DIAPH3: variants seen among roughly 807,000 people sequenced by gnomAD.
DIAPH3 encodes protein diaphanous homolog 3.
Under a neutral mutation model 144.3 loss-of-function variants are expected in DIAPH3, and 117 were observed. The ratio of observed to expected loss-of-function variants is 0.81; its 90% CI spans 0.70 to 0.95. DIAPH3 has a LOEUF of 0.95. Among genes scored for constraint, DIAPH3 ranks in the 40% least tolerant of loss-of-function variants. DIAPH3 has a pLI of 0.00. For missense variants in DIAPH3, 1,421 were observed against 1,412.7 expected (o/e 1.01, Z -0.09); for synonymous variants, 519 against 488.9 (o/e 1.06, Z -0.81).
chr13:60,042,970 C>CA, intron 4 of DIAPH3, 150 bp from the exon 5 acceptor site: 2 of 835,102 alleles, frequency 2.4e-6, no homozygotes, highest in South Asian at 1.5e-5. Context: ...TACTTCTGCC[C>CA]AAAAATCTAT....
chr13:60,105,099 CAAAAAAAAA>C (rs60853102), intron 3 of DIAPH3, among the ~76,000 whole-genome samples: 10,364 of 41,698 alleles, frequency 0.25, 616 homozygotes, highest in South Asian at 0.4. Context: ...GACACGATCT[CAAAAAAAAA>C]AAAAAAAAAA....
intron 1 of DIAPH3, among the ~76,000 whole-genome samples, chr13:60,146,602 C>T (rs1360820056): frequency 6.6e-6 from 1 of 152,156 alleles, no homozygotes; most frequent in Non-Finnish European, 1.5e-5. Flanking sequence ...TAACACATTA[C>T]AGTCTATATT....
At chr13:60,122,055 C>T (rs1002467629) in intron 2 of DIAPH3, among the ~76,000 whole-genome samples, 1 of 152,102 alleles carries the variant, frequency 6.6e-6, no homozygotes, top group African/African-American at 2.4e-5. Context: ...CAGTCATGCC[C>T]CTCACTCCTG....
At chr13:59,995,723 G>A (rs1020430359) in intron 9 of DIAPH3, among the ~76,000 whole-genome samples, 1 of 152,000 alleles carries the variant, frequency 6.6e-6, no homozygotes, top group Non-Finnish European at 1.5e-5. Context: ...TGGGAAGAGA[G>A]AGGAAATCAG....
At chr13:59,700,656 A>G (rs1219627006) in intron 27 of DIAPH3, among the ~76,000 whole-genome samples, 2 of 152,168 alleles carry the variant, frequency 1.3e-5, no homozygotes, top group Non-Finnish European at 2.9e-5. Context: ...GATCTTCCAG[A>G]GGATAAAGCC....
chr13:59,721,485 T>G (rs562252424), intron 27 of DIAPH3, among the ~76,000 whole-genome samples: 1 of 152,142 alleles, frequency 6.6e-6, no homozygotes, highest in African/African-American at 2.4e-5. Flanking sequence ...TTAACTCATG[T>G]TTTTTTTAAA....
chr13:59,711,478 C>T (rs989564160), intron 27 of DIAPH3, among the ~76,000 whole-genome samples: 1 of 152,096 alleles, frequency 6.6e-6, no homozygotes, highest in Non-Finnish European at 1.5e-5. Context: ...CTCTTGCTAC[C>T]ATCACCATTA....
chr13:59,843,482 T>C (rs1342871645), intron 22 of DIAPH3, among the ~76,000 whole-genome samples: 2 of 152,234 alleles, frequency 1.3e-5, no homozygotes, highest in African/African-American at 4.8e-5. Context: ...GGTCAGGAAC[T>C]ATGCTCTTTA....
chr13:59,885,102 G>C (rs939261817), intron 20 of DIAPH3, among the ~76,000 whole-genome samples: 2 of 152,016 alleles, frequency 1.3e-5, no homozygotes, highest in African/African-American at 4.8e-5. Flanking sequence ...GGATCACTAA[G>C]GATTTCACAG....
intron 17 of DIAPH3, among the ~76,000 whole-genome samples, chr13:59,936,959 C>T (rs2048293705): frequency 6.6e-6 from 1 of 151,886 alleles, no homozygotes; most frequent in South Asian, 2.1e-4. Context: ...GTCAGGAGAT[C>T]GAGACCATCC....
chr13:59,741,826 G>A (rs1350914228), intron 27 of DIAPH3, among the ~76,000 whole-genome samples: 1 of 151,962 alleles, frequency 6.6e-6, no homozygotes, highest in Non-Finnish European at 1.5e-5. Context: ...AAATGACATA[G>A]GGGGTAAAAT....
Position 60,156,939 on chromosome 13 carries a change from ATTTTT to A in DIAPH3, c.180+6643_180+6647del, listed in dbSNP as rs757042309. ...CCTTCATATATATATATATATATAT[ATTTTT>A]TTTTTTTTTTTTTTTGAGACAGAGG... On this transcript the variant is annotated intron_variant, in intron 1 of 27. Coordinates refer to ENST00000400324, the MANE Select transcript of DIAPH3 (RefSeq NM_001042517.2). 9.4e-4 allele frequency among the ~76,000 whole-genome samples: 77 copies of A among 82,034 alleles called. 1 individual carries two copies. The highest frequency in any genetic ancestry group is 5.9e-3 in the Middle Eastern group (1 of 170). 53.8% of individuals were successfully genotyped at this position (82,034 alleles called of 152,430 possible). A position where few individuals can be genotyped will look rare whatever the true frequency, so the allele number is the denominator to read the frequency against.
rs144189157 is a variant in DIAPH3 at position 59,687,236 on chromosome 13, G to A, written c.3320-20390C>T. 3.4e-3 allele frequency among the ~76,000 whole-genome samples: 523 copies of A among 152,220 alleles called. 3 individuals are homozygous for A. The highest frequency in any genetic ancestry group is 0.031 in the South Asian group (150 of 4,826). ...TTACAGTCAAAGCTGCAGGACACCAGCGTTAAATCACTGAGCCATCCTGAC... is the reference window on the plus strand; with the variant it reads ...TTACAGTCAAAGCTGCAGGACACCAACGTTAAATCACTGAGCCATCCTGAC... On this transcript the variant is annotated intron_variant, in intron 27 of 27. Coordinates refer to ENST00000400324, the MANE Select transcript of DIAPH3 (RefSeq NM_001042517.2).
intron 5 of DIAPH3, among the ~76,000 whole-genome samples, chr13:60,032,445 C>T (rs969291374): frequency 6.6e-6 from 1 of 152,226 alleles, no homozygotes; most frequent in Non-Finnish European, 1.5e-5. Context: ...TAGGCGGAGG[C>T]TACCAAACCT....
chr13:59,692,137 CTTTT>C (rs56205887), intron 27 of DIAPH3, among the ~76,000 whole-genome samples: 1,432 of 58,206 alleles, frequency 0.025, 30 homozygotes, highest in Admixed American at 0.09. Flanking sequence ...TTGAGAAATT[CTTTT>C]TTTTTTTTTT....
chr13:59,734,795 A>G (rs1362162252), intron 27 of DIAPH3, among the ~76,000 whole-genome samples: 1 of 152,208 alleles, frequency 6.6e-6, no homozygotes, highest in Non-Finnish European at 1.5e-5. Context: ...TTTATTTTCA[A>G]ATTTTAAAAA....
intron 1 of DIAPH3, among the ~76,000 whole-genome samples, chr13:60,153,139 C>A (rs1337459623): frequency 6.6e-6 from 1 of 151,914 alleles, no homozygotes; most frequent in Non-Finnish European, 1.5e-5. Flanking sequence ...TCAATGAGGG[C>A]CAAGCAACAT....
At chr13:59,780,090 C>T (rs1746128259) in intron 25 of DIAPH3, among the ~76,000 whole-genome samples, 1 of 151,932 alleles carries the variant, frequency 6.6e-6, no homozygotes, top group South Asian at 2.1e-4. Flanking sequence ...CAGGATGTTA[C>T]TAGGCACCAA....
At chr13:59,989,800 A>C (rs1240270082) in intron 12 of DIAPH3, among the ~76,000 whole-genome samples, 1 of 151,910 alleles carries the variant, frequency 6.6e-6, no homozygotes, top group Non-Finnish European at 1.5e-5. Context: ...AAGGGATCAA[A>C]GTCATAAGTA....
Sources: allele counts gnomAD v4.1 joint callset (sites outside exome capture counted in the v4.1 genomes callset), GRCh38; gene constraint gnomAD v4.1.1; transcripts MANE v1.5; gene names NCBI Gene and HGNC (gene_info 2026-07-23, HGNC 2026-07-21).